The following TEX14 variants were observed in gnomAD, a reference collection of about 807,000 sequenced individuals.
The protein encoded by TEX14 is testis expressed 14, intercellular bridge forming factor.
Under a neutral mutation model 178.6 loss-of-function variants are expected in TEX14, and 168 were observed. The observed-to-expected ratio is 0.94, with a 90% CI of 0.83 to 1.07. The LOEUF is 1.07. Ranked by LOEUF, TEX14 falls within the 50% of genes least tolerant of loss-of-function variation. The pLI, the probability that TEX14 is intolerant of heterozygous loss-of-function variation, is 0.00. For missense variants in TEX14, 1,730 were observed against 1,753.6 expected, an observed-to-expected ratio of 0.99 and a Z score of 0.24; for synonymous variants, 626 against 634.1, an observed-to-expected ratio of 0.99 and a Z score of 0.19.
chr17:58,611,506 C>T (rs767517956), intron 9 of TEX14, among the ~76,000 whole-genome samples, 167 bp from the exon 10 acceptor site: 24 of 152,202 alleles, frequency 1.6e-4, no homozygotes, highest in Admixed American at 6.5e-5. Context: ...AATGGCCTGA[C>T]GTCCCAATGA....
Position 58,594,500 on chromosome 17 carries a change from G to A in TEX14, c.2470-839C>T, listed in dbSNP as rs541192555. On this transcript the variant is annotated intron_variant, in intron 14 of 31. Transcript: ENST00000349033. ...TGAGTAGCTGGGATTACAGGTGCGC[G>A]CCACTACCACTCAGCTAATTTTTTA... Among the ~76,000 whole-genome samples the A allele has an allele frequency of 6.8e-3, 1,030 of 151,742 alleles. 11 individuals carry two copies. Among genetic ancestry groups the A allele is most frequent in the African/African-American group, 0.023 (960 of 41,384 alleles).
intron 1 of TEX14, chr17:58,661,551 G>A: frequency 1.3e-6 from 1 of 751,822 alleles, no homozygotes; most frequent in Non-Finnish European, 2.5e-6. Context: ...GAATCGAACA[G>A]CTCGGGGAGC....
chr17:58,596,573 G>A (rs1467734370), intron 14 of TEX14, among the ~76,000 whole-genome samples: 1 of 151,990 alleles, frequency 6.6e-6, no homozygotes, highest in African/African-American at 2.4e-5. Context: ...GCACCTGGCT[G>A]TGTCTTCTCT....
intron 27 of TEX14, 90 bp downstream of exon 27, chr17:58,565,657 C>T (rs1003638000): frequency 1.1e-6 from 1 of 905,788 alleles, no homozygotes; most frequent in African/African-American, 1.6e-5. Flanking sequence ...TGTGCCTGAC[C>T]TCAAGGTCAC....
chr17:58,685,114 A>G (rs2047568898), intron 1 of TEX14, among the ~76,000 whole-genome samples: 1 of 152,258 alleles, frequency 6.6e-6, no homozygotes, highest in South Asian at 2.1e-4. Context: ...CCTTCTAAAC[A>G]TGTTACCAAA....
At chr17:58,591,844 GGTCAGGA>G (rs1377126617) in intron 15 of TEX14, among the ~76,000 whole-genome samples, 2 of 151,892 alleles carry the variant, frequency 1.3e-5, no homozygotes, top group Non-Finnish European at 2.9e-5. Flanking sequence ...GATGACCTGA[GGTCAGGA>G]GTTCAAGACC....
chr17:58,660,831 A>G (rs2143363098), intron 1 of TEX14: 2 of 785,068 alleles, frequency 2.5e-6, no homozygotes, highest in South Asian at 2.7e-5. Context: ...CCAGCGCCAA[A>G]TACTTTGGCT....
At chr17:58,615,726 C>A (rs1421399553) in intron 7 of TEX14, among the ~76,000 whole-genome samples, 1 of 151,824 alleles carries the variant, frequency 6.6e-6, no homozygotes, top group Admixed American at 6.6e-5. Flanking sequence ...AATAAAACAG[C>A]TTCTATAGGG....
chr17:58,662,078 A>C (rs1028969887), intron 1 of TEX14, among the ~76,000 whole-genome samples: 1 of 151,864 alleles, frequency 6.6e-6, no homozygotes, highest in African/African-American at 2.4e-5. Context: ...CTGTATGTCT[A>C]TATCTGTGTA....
chr17:58,609,543 T>C (rs565006209), intron 10 of TEX14, among the ~76,000 whole-genome samples: 12 of 152,232 alleles, frequency 7.9e-5, no homozygotes, highest in Non-Finnish European at 1.5e-4. Context: ...ATGCCCAGCC[T>C]AGAGGAAGGA....
At chr17:58,656,522 G>A (rs898134720) in intron 1 of TEX14, among the ~76,000 whole-genome samples, 1 of 152,068 alleles carries the variant, frequency 6.6e-6, no homozygotes, top group South Asian at 2.1e-4. Context: ...TTGGGAGGGT[G>A]AGGCAGGTGG....
At chr17:58,641,363 T>A (rs563499107) in intron 2 of TEX14, among the ~76,000 whole-genome samples, 223 of 151,980 alleles carry the variant, frequency 1.5e-3, no homozygotes, top group Non-Finnish European at 2.3e-3. Flanking sequence ...TGAGCCAAGA[T>A]TGGCCACTGC....
chr17:58,629,775 C>G (rs982104616), intron 3 of TEX14, among the ~76,000 whole-genome samples: 9 of 150,676 alleles, frequency 6.0e-5, no homozygotes, highest in African/African-American at 2.2e-4. Flanking sequence ...GCAGAGCTTG[C>G]AGTGAGCCGA....
chr17:58,637,179 C>T (rs888787043), intron 2 of TEX14, among the ~76,000 whole-genome samples: 5 of 152,028 alleles, frequency 3.3e-5, no homozygotes. Context: ...AGTGAGCGTG[C>T]CATTGCACTC....
rs1598432610 is a variant in TEX14, at chr17:58,670,771, T to TCAAAAA, written c.-1-18770_-1-18769insTTTTTG. On this transcript the variant is annotated intron_variant, in intron 1 of 31. Transcript: ENST00000349033. ...CTGGGCGACAGAGTGAGACTCCCTC[T>TCAAAAA]TAAAAAAAAAAAAAAAAAAAAAAAA... Among the ~76,000 whole-genome samples the TCAAAAA allele has an allele frequency of 2.9e-3, 23 of 7,954 alleles. 11 individuals carry two copies. Among genetic ancestry groups the TCAAAAA allele is most frequent in the Admixed American group, 0.011 (5 of 472 alleles). The allele number at this position is 7,954 out of a possible 152,430, so 5.2% of individuals were successfully genotyped here. A position where few individuals can be genotyped will look rare whatever the true frequency, so the allele number is the denominator to read the frequency against.
In TEX14 at chr17:58,617,623, G is replaced by A; in HGVS notation, c.555-4C>T. ...GTTAGGAGAGCCATTAGGGTTTCTA[G>A]AAATATTTAAAACAGGAAAAAAACC... On this transcript the variant is annotated splice_polypyrimidine_tract_variant and splice_region_variant and intron_variant, in intron 5 of 31. Coordinates refer to ENST00000349033, the MANE Select transcript of TEX14 (RefSeq NM_031272.5). 1 of 1,606,998 alleles carries A rather than the reference G, an allele frequency of 6.2e-7. No individual in the cohort carries two copies. The highest frequency in any genetic ancestry group is 2.2e-5 in the East Asian group (1 of 44,808).
Position 58,591,915 on chromosome 17 carries a change from T to G in TEX14, c.2576+1640A>C, listed in dbSNP as rs568625385. Among the ~76,000 whole-genome samples, 27 of 151,574 alleles carry G rather than the reference T, an allele frequency of 1.8e-4. No homozygotes were observed. In the South Asian group the frequency reaches 5.6e-3, roughly 32 times the overall value. On this transcript the variant is annotated intron_variant, in intron 15 of 31. Coordinates refer to ENST00000349033, the MANE Select transcript of TEX14 (RefSeq NM_031272.5). ...TCTACTAAAAATATAAAAAATTAGC[T>G]GGGCATGGTGGTGGGCACCTGTAAT... is the stretch of plus-strand genomic sequence containing the variant.
intron 18 of TEX14, among the ~76,000 whole-genome samples, chr17:58,585,542 A>G (rs1004387304): frequency 1.3e-5 from 2 of 151,638 alleles, no homozygotes; most frequent in African/African-American, 4.9e-5. Context: ...CTCAGGTCCA[A>G]GTGATCCTCC....
intron 19 of TEX14, chr17:58,581,802 G>T: frequency 6.5e-7 from 1 of 1,549,914 alleles, no homozygotes; most frequent in Non-Finnish European, 8.7e-7. Context: ...GTTGGATGCA[G>T]TGTTAACAAC....
Sources: allele counts gnomAD v4.1 joint callset (sites outside exome capture counted in the v4.1 genomes callset), GRCh38; gene constraint gnomAD v4.1.1; transcripts MANE v1.5; gene names NCBI Gene and HGNC (gene_info 2026-07-23, HGNC 2026-07-21).